RASEF: variants seen among roughly 807,000 people sequenced by gnomAD.
RASEF encodes RAS and EF-hand domain containing.
RASEF carries 68 observed loss-of-function variants against 90.1 expected under a neutral mutation model. That is an observed-to-expected ratio of 0.75 (90% CI 0.62 to 0.92). The LOEUF (loss-of-function observed/expected upper bound fraction) is 0.92. Ranked by LOEUF, RASEF falls within the 40% of genes least tolerant of loss-of-function variation. The probability of loss-of-function intolerance (pLI) is 0.00; values close to 1 mark genes in which losing one functional copy is unlikely to be tolerated. For synonymous variants in RASEF, 331 were observed against 345.2 expected, an observed-to-expected ratio of 0.96 and a Z score of 0.46; for missense variants, 949 against 937.2, an observed-to-expected ratio of 1.01 and a Z score of -0.16.
intron 1 of RASEF, chr9:83,048,871 G>T: frequency 1.6e-6 from 1 of 628,022 alleles, no homozygotes; most frequent in African/African-American, 2.0e-5. Flanking sequence ...GCTCACGCCT[G>T]TCATCCCAAC....
At chr9:83,181,241 A>G in the RASEF span, among the ~76,000 whole-genome samples, 2 of 151,858 alleles carry the variant, frequency 1.3e-5, no homozygotes, top group Non-Finnish European at 2.9e-5. Context: ...GAGAAAGCTA[A>G]CGTGAGGCTT....
intron 2 of RASEF, among the ~76,000 whole-genome samples, chr9:83,023,770 A>T (rs1345361541): frequency 6.6e-6 from 1 of 152,170 alleles, no homozygotes; most frequent in African/African-American, 2.4e-5. Flanking sequence ...TAAATGGCTA[A>T]GGCACATATC....
chr9:83,075,280 A>G, the RASEF span, among the ~76,000 whole-genome samples: 1 of 152,142 alleles, frequency 6.6e-6, no homozygotes, highest in Non-Finnish European at 1.5e-5. Flanking sequence ...TTCTATTTAT[A>G]TTCTTTCTGT....
intron 16 of RASEF, 83 bp downstream of exon 16, chr9:82,990,308 T>C: frequency 1.1e-6 from 1 of 891,234 alleles, no homozygotes; most frequent in East Asian, 2.5e-5. Flanking sequence ...CCCGCATATA[T>C]TCTATCTGCA....
chr9:83,002,828 GCAATA>G (rs1829063992), intron 9 of RASEF, among the ~76,000 whole-genome samples: 1 of 152,026 alleles, frequency 6.6e-6, no homozygotes, highest in Non-Finnish European at 1.5e-5. Context: ...TCAGCATTAT[GCAATA>G]TACTCATGTA....
At chr9:83,141,113 A>C in the RASEF span, among the ~76,000 whole-genome samples, 1 of 147,674 alleles carries the variant, frequency 6.8e-6, no homozygotes, top group African/African-American at 2.5e-5. Flanking sequence ...ATTGCACTTC[A>C]GTCTGGGCAA....
chr9:83,048,031 C>T, intron 1 of RASEF: 1 of 778,382 alleles, frequency 1.3e-6, no homozygotes, highest in South Asian at 5.8e-5. Flanking sequence ...TGAAAAGTGG[C>T]TGAGCTGAGA....
intron 1 of RASEF, among the ~76,000 whole-genome samples, chr9:83,029,409 TTGAAAC>T: frequency 1.3e-5 from 2 of 150,838 alleles, no homozygotes; most frequent in East Asian, 3.9e-4. Context: ...TTTTTTTTTT[TTGAAAC>T]TGAGTCTCGC....
upstream of RASEF, among the ~76,000 whole-genome samples, chr9:83,063,631 A>G (rs552150531): frequency 2.0e-5 from 3 of 152,286 alleles, no homozygotes; most frequent in South Asian, 4.1e-4. Context: ...CAGATCTCCA[A>G]TTCCACATTT....
chr9:83,212,869 G>A, the RASEF span, among the ~76,000 whole-genome samples: 6 of 152,224 alleles, frequency 3.9e-5, no homozygotes, highest in South Asian at 2.1e-4. Flanking sequence ...AGAGAGAGTG[G>A]GGAGAAAAGC....
chr9:83,141,359 A>G, the RASEF span, among the ~76,000 whole-genome samples: 4 of 152,146 alleles, frequency 2.6e-5, no homozygotes, highest in Non-Finnish European at 5.9e-5. Context: ...AAAAAGAGAT[A>G]GCAACAGACT....
the RASEF span, among the ~76,000 whole-genome samples, chr9:83,098,533 A>C: frequency 6.6e-6 from 1 of 152,196 alleles, no homozygotes; most frequent in Non-Finnish European, 1.5e-5. Context: ...TATCATTATA[A>C]TCATAAAATT....
the RASEF span, among the ~76,000 whole-genome samples, chr9:83,217,870 G>A: frequency 6.6e-6 from 1 of 152,186 alleles, no homozygotes; most frequent in African/African-American, 2.4e-5. Flanking sequence ...TATCTTAGGT[G>A]TCTGGTCCAG....
At chr9:83,044,215 G>A (rs1017059306) in intron 1 of RASEF, among the ~76,000 whole-genome samples, 6 of 152,198 alleles carry the variant, frequency 3.9e-5, no homozygotes, top group African/African-American at 1.4e-4. Flanking sequence ...GCAGAAAGGA[G>A]GGAAGGAAGG....
At chr9:83,144,694 A>G in the RASEF span, among the ~76,000 whole-genome samples, 1 of 152,218 alleles carries the variant, frequency 6.6e-6, no homozygotes, top group Non-Finnish European at 1.5e-5. Flanking sequence ...GCACAAAAGG[A>G]AACAGCACCC....
the RASEF span, among the ~76,000 whole-genome samples, chr9:83,198,742 C>G: frequency 0.025 from 3,813 of 152,112 alleles, 165 homozygotes; most frequent in African/African-American, 0.087. Flanking sequence ...CCTGAGCAAG[C>G]AGAGATGCAG....
chr9:83,195,715 C>A, the RASEF span, among the ~76,000 whole-genome samples: 8 of 152,032 alleles, frequency 5.3e-5, no homozygotes, highest in South Asian at 1.7e-3. Flanking sequence ...AGAGGCAGGG[C>A]AGGTTGGCTC....
chr9:83,209,617 A>G, the RASEF span, among the ~76,000 whole-genome samples: 1 of 152,262 alleles, frequency 6.6e-6, no homozygotes, highest in Non-Finnish European at 1.5e-5. Flanking sequence ...TGAATAATAA[A>G]CAAATAACAC....
the RASEF span, among the ~76,000 whole-genome samples, chr9:83,165,939 A>T: frequency 6.6e-6 from 1 of 152,162 alleles, no homozygotes; most frequent in African/African-American, 2.4e-5. Context: ...TGAAAGACAC[A>T]ATCTGTCAAA....
Sources: gnomAD v4.1 joint callset for allele counts (sites outside exome capture counted in the v4.1 genomes callset) on GRCh38, gnomAD v4.1.1 for gene constraint, MANE v1.5 for transcripts, NCBI Gene and HGNC (gene_info 2026-07-23, HGNC 2026-07-21) for gene names.